Variants in WDCP observed in about 807,000 individuals in gnomAD.
WDCP encodes the protein WD repeat and coiled-coil-containing protein.
WDCP carries 19 observed loss-of-function variants against 41.6 expected under a neutral mutation model. That is an observed-to-expected ratio of 0.46 (90% CI 0.32 to 0.67). The LOEUF is 0.67. Among genes scored for constraint, WDCP ranks in the 30% least tolerant of loss-of-function variants. WDCP has a pLI of 0.04. For synonymous variants in WDCP, 302 were observed against 320.8 expected (o/e 0.94, Z 0.63); for missense variants, 802 against 850.7 (o/e 0.94, Z 0.71).
chr2:24,029,646 C>T lies in WDCP; in HGVS notation c.*1287G>A, dbSNP rs1663053930. 6.6e-6 allele frequency: 1 copy of T among 152,216 alleles called. No homozygotes were observed. Among genetic ancestry groups the T allele is most frequent in the South Asian group, 2.1e-4 (1 of 4,838 alleles). 9.4% of individuals were successfully genotyped at this position (152,216 alleles called of 1,614,324 possible). ...AAATGGGCCCTCACTTCTTTCCTAA[C>T]CCAGCTCCATCTTGGTAAACTGTAA... On this transcript the variant is annotated 3_prime_UTR_variant, in exon 4 of 4. Coordinates refer to ENST00000295148, the MANE Select transcript of WDCP (RefSeq NM_025203.3).
intron 1 of WDCP, among the ~76,000 whole-genome samples, chr2:24,044,266 G>GT (rs1303221613): frequency 7.2e-5 from 10 of 139,214 alleles, no homozygotes; most frequent in East Asian, 2.2e-4. Flanking sequence ...GTTTACTGAG[G>GT]TTTTTTTTTG....
In WDCP at chr2:24,038,753, G is replaced by C; in HGVS notation, c.742C>G (p.Pro248Ala). The stretch of plus-strand genomic sequence containing the variant: ...TCACCAATAACTGGTAAAGCATACG[G>C]AGTCATGTCTTTACTGTTAGGTGGG... Reference protein sequence around the residue: ...NIPPNSKDMTPYALPVIGEVR... With the variant: ...NIPPNSKDMTAYALPVIGEVR... The change falls in exon 2 of 4, where the codon CCG becomes GCG. Residue 248 changes from proline to alanine, a missense_variant. Coordinates refer to ENST00000295148, the MANE Select transcript of WDCP (RefSeq NM_025203.3). 6.2e-7 allele frequency: 1 copy of C among 1,614,154 alleles called. No individual in the cohort carries two copies. Among genetic ancestry groups the C allele is most frequent in the Non-Finnish European group, 8.5e-7 (1 of 1,180,022 alleles).
rs886941603 is a variant in WDCP, at chr2:24,030,479, G to T, written c.*454C>A. ...CTCTGCTAATTCTTGCTGGTTTGAG[G>T]TTAATATGCTAGAGCACATGCCCCC... On this transcript the variant is annotated 3_prime_UTR_variant, in exon 4 of 4. Transcript: ENST00000295148. The T allele has an allele frequency of 6.5e-6, 1 of 153,358 alleles. No individual in the cohort carries two copies. The highest frequency in any genetic ancestry group is 1.9e-4 in the East Asian group (1 of 5,220). 9.5% of individuals were successfully genotyped at this position (153,358 alleles called of 1,614,324 possible).
intron 1 of WDCP, among the ~76,000 whole-genome samples, chr2:24,041,595 G>A (rs1033336040): frequency 2.1e-4 from 32 of 152,144 alleles, no homozygotes; most frequent in Admixed American, 2.0e-3. Context: ...CACCCAAAGT[G>A]TAATCCCAGC....
At position 24,030,248 on chromosome 2, in the gene WDCP, A is replaced by C. The variant is rs1430930121; in HGVS notation, c.*685T>G. 2 of 152,202 alleles carry C rather than the reference A, an allele frequency of 1.3e-5. No individual in the cohort carries two copies. Among genetic ancestry groups the C allele is most frequent in the Non-Finnish European group, 2.9e-5 (2 of 68,038 alleles). 9.4% of individuals were successfully genotyped at this position (152,202 alleles called of 1,614,324 possible). On this transcript the variant is annotated 3_prime_UTR_variant, in exon 4 of 4. Coordinates refer to ENST00000295148, the MANE Select transcript of WDCP (RefSeq NM_025203.3). ...TGGTAGCAGCATCGGCACAACCTCA[A>C]GTGGAACCCAGAGGGGACAAATTCC...
chr2:24,042,312 C>T (rs536759286), intron 1 of WDCP, among the ~76,000 whole-genome samples: 1 of 151,752 alleles, frequency 6.6e-6, no homozygotes, highest in African/African-American at 2.4e-5. Context: ...CCGAGGCAGG[C>T]GGATCACGAG....
Position 24,038,705 on chromosome 2 carries a change from C to T in WDCP, c.790G>A (p.Ala264Thr), listed in dbSNP as rs1463387261. The T allele has an allele frequency of 1.2e-6, 2 of 1,614,148 alleles. No individual in the cohort carries two copies. Among genetic ancestry groups the T allele is most frequent in the Non-Finnish European group, 1.7e-6 (2 of 1,179,998 alleles). Residue 264 changes from alanine (A) to threonine (T), a missense_variant, in exon 2 of 4, where the codon GCA becomes ACA. Ala to Thr is a moderately conservative substitution (Grantham distance 58). Coordinates refer to ENST00000295148, the MANE Select transcript of WDCP (RefSeq NM_025203.3). Reference protein sequence around the residue: ...IGEVRSMDKEATDSETNSEVS... With the variant: ...IGEVRSMDKETTDSETNSEVS... ...TCAGAATTTGTTTCAGAATCAGTTG[C>T]CTCTTTATCCATAGAGCGTACTTCA...
At position 24,038,400 on chromosome 2, in the gene WDCP, C is replaced by G; in HGVS notation, c.1095G>C (p.Leu365Phe). ...CTGAAGATGGAATGACAGAGTAGATCAAAATTATATTACAAGTGTTGGAAG... is the reference window on the plus strand; with the variant it reads ...CTGAAGATGGAATGACAGAGTAGATGAAAATTATATTACAAGTGTTGGAAG... ...AVASNTCNII[L>F]IYSVIPSSVP... Residue 365 changes from leucine to phenylalanine, a missense_variant, in exon 2 of 4, where the codon TTG (leucine) becomes TTC (phenylalanine). Coordinates refer to ENST00000295148, the MANE Select transcript of WDCP (RefSeq NM_025203.3). The G allele has an allele frequency of 6.2e-7, 1 of 1,614,146 alleles. No homozygotes were observed. Among genetic ancestry groups the G allele is most frequent in the South Asian group, 1.1e-5 (1 of 91,080 alleles).
rs368286783 is a variant in WDCP at position 24,032,949 on chromosome 2, G to A, written c.1819-3C>T. 4.5e-6 allele frequency: 7 copies of A among 1,556,884 alleles called. No homozygotes were observed. The highest frequency in any genetic ancestry group is 6.2e-6 in the Non-Finnish European group (7 of 1,129,704). On this transcript the variant is annotated splice_region_variant and splice_polypyrimidine_tract_variant and intron_variant, in intron 2 of 3. Coordinates refer to ENST00000295148, the MANE Select transcript of WDCP (RefSeq NM_025203.3). ...ACAGGACCTAGATAATAAGGTTTCTGCAAATAAAAAATAAAAGTTGTTAAA... is the reference window on the plus strand; with the variant it reads ...ACAGGACCTAGATAATAAGGTTTCTACAAATAAAAAATAAAAGTTGTTAAA...
chr2:24,033,075 G>A, intron 2 of WDCP, 129 bp from the exon 3 acceptor site: 1 of 711,472 alleles, frequency 1.4e-6, no homozygotes, highest in Non-Finnish European at 2.6e-6. Flanking sequence ...CTGGACTTCA[G>A]TTTTAAGGAG....
rs768617221 is a variant in WDCP at position 24,037,753 on chromosome 2, C to T, written c.1742G>A (p.Arg581His). Reference sequence around the variant, plus strand: ...AGAGGATTTCTTCCCATTATGCAGACGGTTTGTAAGTTCAGAAAGACACCG... The same window carrying T: ...AGAGGATTTCTTCCCATTATGCAGATGGTTTGTAAGTTCAGAAAGACACCG... Reference protein sequence around the residue: ...MQRCLSELTNRLHNGKKSSSV... With the variant: ...MQRCLSELTNHLHNGKKSSSV... Residue 581 changes from arginine (R) to histidine (H), a missense_variant, in exon 2 of 4, where the codon CGT becomes CAT. Physicochemically the swap from Arg to His is conservative, Grantham distance 29 (BLOSUM62 0). Around this residue, in one of 5 missense-constraint regions of WDCP, gnomAD observed 321 missense variants for 305.1 expected, o/e 1.05. Transcript: ENST00000295148. 1.9e-5 allele frequency: 31 copies of T among 1,614,054 alleles called. No individual in the cohort carries two copies. Among genetic ancestry groups the T allele is most frequent in the South Asian group, 7.7e-5 (7 of 91,090 alleles).
Position 24,029,428 on chromosome 2 carries a change from C to A in WDCP, c.*1505G>T, listed in dbSNP as rs901424378. ...TGATTTTAACATACCCTTTTAGGTG[C>A]CCACATTGATCTTAGTTAACAGTCT... On this transcript the variant is annotated 3_prime_UTR_variant, in exon 4 of 4. Transcript: ENST00000295148. The A allele has an allele frequency of 1.3e-5, 2 of 152,154 alleles. No individual in the cohort carries two copies. The highest frequency in any genetic ancestry group is 2.9e-5 in the Non-Finnish European group (2 of 68,032). The allele number at this position is 152,154 out of a possible 1,614,324, so 9.4% of individuals were successfully genotyped here. A position where few individuals can be genotyped will look rare whatever the true frequency, so the allele number is the denominator to read the frequency against.
At chr2:24,046,744 A>C (rs1404781679) in intron 1 of WDCP, among the ~76,000 whole-genome samples, 1 of 152,238 alleles carries the variant, frequency 6.6e-6, no homozygotes, top group Non-Finnish European at 1.5e-5. Context: ...AATTAAGAAG[A>C]GTTAACGAAA....
intron 2 of WDCP, among the ~76,000 whole-genome samples, chr2:24,035,248 T>A (rs1441060455): frequency 6.6e-6 from 1 of 151,808 alleles, no homozygotes; most frequent in Non-Finnish European, 1.5e-5. Context: ...GAGCTCTGTG[T>A]GCTGATATAA....
At chr2:24,045,765 TATTTCAAGACCAGCCTAGGC>T (rs1379268168) in intron 1 of WDCP, 1 of 151,886 alleles carries the variant, frequency 6.6e-6, no homozygotes, top group Non-Finnish European at 1.5e-5. Context: ...TTGATGCCAG[TATTTCAAGACCAGCCTAGGC>T]AACACAGGGA....
intron 3 of WDCP, among the ~76,000 whole-genome samples, chr2:24,031,728 A>G (rs530965895): frequency 6.6e-6 from 1 of 152,124 alleles, no homozygotes; most frequent in East Asian, 1.9e-4. Flanking sequence ...CGGGAGGCTG[A>G]GGCAGGAGAA....
intron 1 of WDCP, among the ~76,000 whole-genome samples, chr2:24,043,517 A>C (rs945860107): frequency 2.6e-5 from 4 of 151,670 alleles, no homozygotes; most frequent in African/African-American, 9.7e-5. Context: ...AAAACAAAAA[A>C]CCCCCCAACA....
In WDCP at chr2:24,039,116, T is replaced by C; in HGVS notation, c.379A>G (p.Ile127Val). The stretch of plus-strand genomic sequence containing the variant: ...TCCTGAGCAGTCAACACAGTCAGAA[T>C]AGCACATTTTGGGTGCCACACACAG... Reference protein sequence around the residue: ...QGCVWHPKCAILTVLTAQDVS... With the variant: ...QGCVWHPKCAVLTVLTAQDVS... The change falls in exon 2 of 4, where the codon ATT becomes GTT. Residue 127 changes from isoleucine to valine, a missense_variant. Around this residue, in one of 5 missense-constraint regions of WDCP, gnomAD observed 214 missense variants for 252.9 expected, o/e 0.85. Transcript: ENST00000295148. 1 of 1,614,224 alleles carries C rather than the reference T, an allele frequency of 6.2e-7. No homozygotes were observed. Among genetic ancestry groups the C allele is most frequent in the Non-Finnish European group, 8.5e-7 (1 of 1,180,044 alleles).
chr2:24,035,886 C>T (rs1006561287), intron 2 of WDCP, among the ~76,000 whole-genome samples: 16 of 151,222 alleles, frequency 1.1e-4, no homozygotes, highest in East Asian at 1.9e-4. Context: ...CTGGCCAACA[C>T]GGTGAAACCC....
Sources: gnomAD v4.1 joint callset for allele counts (sites outside exome capture counted in the v4.1 genomes callset) on GRCh38, gnomAD v4.1.1 for gene constraint, gnomAD v4.1.1 regional missense constraint, MANE v1.5 for transcripts, NCBI Gene and HGNC (gene_info 2026-07-23, HGNC 2026-07-21) for gene names.